Variants in RABGEF1 observed in about 807,000 individuals in gnomAD.
The protein encoded by RABGEF1 is RAB guanine nucleotide exchange factor 1, also known as rab5 GDP/GTP exchange factor.
In RABGEF1, 26 loss-of-function variants were observed where a neutral mutation model predicts 57.3. The observed-to-expected ratio is 0.45, with a 90% CI of 0.33 to 0.63. The LOEUF is 0.63. RABGEF1 is among the 20% of genes least tolerant of loss of function. RABGEF1 has a pLI of 0.02. For missense variants in RABGEF1, 464 were observed against 607.6 expected (o/e 0.76, Z 2.48); for synonymous variants, 185 against 210.7 (o/e 0.88, Z 1.06).
chr7:66,805,734 G>GC (rs887311446), intron 8 of RABGEF1, among the ~76,000 whole-genome samples: 1 of 151,362 alleles, frequency 6.6e-6, no homozygotes, highest in Non-Finnish European at 1.5e-5. Context: ...CTGAATATTT[G>GC]CCCCCTCATT....
intron 2 of RABGEF1, among the ~76,000 whole-genome samples, chr7:66,721,800 T>A (rs1306031236): frequency 2.0e-5 from 3 of 152,110 alleles, no homozygotes; most frequent in Admixed American, 6.6e-5. Flanking sequence ...GAACCCCGTC[T>A]CTACTCAAAA....
At chr7:66,726,370 A>ATT (rs11410701) in intron 2 of RABGEF1, among the ~76,000 whole-genome samples, 2 of 151,730 alleles carry the variant, frequency 1.3e-5, no homozygotes, top group African/African-American at 4.8e-5. Context: ...GGATTTAAGC[A>ATT]TTTTTTTTAA....
At position 66,720,307 on chromosome 7, in the gene RABGEF1, C is replaced by T. The variant is rs548224627; in HGVS notation, c.-815+8083C>T. Among the ~76,000 whole-genome samples the T allele has an allele frequency of 2.3e-3, 345 of 150,930 alleles. 1 individual carries two copies. The highest frequency in any genetic ancestry group is 3.6e-3 in the Non-Finnish European group (242 of 67,830). ...CTGCCTCCCAGGCTCAAGAAATTCT[C>T]GTGCCTCAGCCACCCCAGTAGCTAG... On this transcript the variant is annotated intron_variant and NMD_transcript_variant, in intron 2 of 9. Coordinates refer to the RABGEF1 transcript ENST00000607882.
chr7:66,727,954 G>A (rs1010364430), intron 2 of RABGEF1, among the ~76,000 whole-genome samples: 5 of 152,098 alleles, frequency 3.3e-5, no homozygotes, highest in Admixed American at 2.0e-4. Context: ...TGCCTCAGGC[G>A]TCTCCACCAA....
chr7:66,662,834 T>C, the RABGEF1 span, among the ~76,000 whole-genome samples: 2 of 151,818 alleles, frequency 1.3e-5, no homozygotes, highest in Admixed American at 1.3e-4. Context: ...CAGGCATGTG[T>C]GTGTAGGTGT....
intron 2 of RABGEF1, among the ~76,000 whole-genome samples, chr7:66,717,589 T>C (rs1049360419): frequency 8.6e-5 from 13 of 151,694 alleles, no homozygotes; most frequent in Non-Finnish European, 1.6e-4. Flanking sequence ...AAACCCCGTC[T>C]CTAGTGTCAC....
chr7:66,736,980 T>C (rs575761998), upstream of RABGEF1, among the ~76,000 whole-genome samples: 2 of 152,008 alleles, frequency 1.3e-5, no homozygotes, highest in African/African-American at 4.8e-5. Context: ...ATATATGTGC[T>C]GATGCACTGG....
At chr7:66,767,000 C>CTTTT (rs34123866) in intron 1 of RABGEF1, among the ~76,000 whole-genome samples, 8 of 102,598 alleles carry the variant, frequency 7.8e-5, no homozygotes, top group Admixed American at 2.3e-4. Context: ...TGTCAAGTTT[C>CTTTT]TTTTTTTTTT....
chr7:66,672,054 G>T, the RABGEF1 span, among the ~76,000 whole-genome samples: 1 of 151,662 alleles, frequency 6.6e-6, no homozygotes, highest in Non-Finnish European at 1.5e-5. Context: ...GGACTCAAGT[G>T]ATCCTCCTGC....
At chr7:66,726,961 G>A (rs188022607) in intron 2 of RABGEF1, among the ~76,000 whole-genome samples, 1,665 of 152,150 alleles carry the variant, frequency 0.011, 15 homozygotes, top group Non-Finnish European at 0.016. Context: ...CCGAGATTGC[G>A]CCATTGCACT....
At chr7:66,795,354 G>A (rs1813774867) in intron 4 of RABGEF1, among the ~76,000 whole-genome samples, 157 bp from the exon 5 acceptor site, 1 of 152,196 alleles carries the variant, frequency 6.6e-6, no homozygotes, top group Admixed American at 6.5e-5. Context: ...TAATATTAAT[G>A]GATAGGTTTT....
chr7:66,671,876 G>C, the RABGEF1 span, among the ~76,000 whole-genome samples: 1 of 148,824 alleles, frequency 6.7e-6, no homozygotes, highest in Non-Finnish European at 1.5e-5. Context: ...GAGTGCAGTG[G>C]CATGAGCACA....
intron 1 of RABGEF1, among the ~76,000 whole-genome samples, chr7:66,701,732 C>T (rs569686744): frequency 1.3e-5 from 2 of 152,164 alleles, no homozygotes; most frequent in African/African-American, 4.8e-5. Flanking sequence ...TGGTCTTGAA[C>T]TCACGACCTC....
intron 2 of RABGEF1, chr7:66,773,556 G>A (rs1176377920): frequency 5.0e-6 from 2 of 402,028 alleles, no homozygotes; most frequent in African/African-American, 2.1e-5. Flanking sequence ...TGGCTTGGGA[G>A]TAAGACTAGA....
At chr7:66,803,838 G>A (rs1342195501) in intron 7 of RABGEF1, among the ~76,000 whole-genome samples, 7 of 151,108 alleles carry the variant, frequency 4.6e-5, no homozygotes, top group East Asian at 1.9e-4. Context: ...GCAGTGAGCC[G>A]AGATCGTGCC....
chr7:66,785,505 A>T (rs979997715), intron 4 of RABGEF1, among the ~76,000 whole-genome samples: 1 of 152,250 alleles, frequency 6.6e-6, no homozygotes, highest in African/African-American at 2.4e-5. Flanking sequence ...GAACTAACAT[A>T]ACTAGCTTCA....
chr7:66,660,868 A>T, the RABGEF1 span, among the ~76,000 whole-genome samples: 1 of 152,336 alleles, frequency 6.6e-6, no homozygotes, highest in Non-Finnish European at 1.5e-5. Flanking sequence ...TCAGACAAAG[A>T]CACTACAAGA....
In RABGEF1 at chr7:66,785,343, T is replaced by C. The variant is rs979643013; in HGVS notation, c.513+1502T>C. Among the ~76,000 whole-genome samples, 44 of 152,222 alleles carry C rather than the reference T, an allele frequency of 2.9e-4. 1 individual carries two copies. On this transcript the variant is annotated intron_variant, in intron 4 of 8. Coordinates refer to ENST00000284957, the MANE Select transcript of RABGEF1 (RefSeq NM_014504.3). Reference sequence around the variant, plus strand: ...TTCATGGTTAGGTGGCCAAGTCCTATGCATGTATCTCAGGTATCTTTAGTG... The same window carrying C: ...TTCATGGTTAGGTGGCCAAGTCCTACGCATGTATCTCAGGTATCTTTAGTG...
intron 3 of RABGEF1, among the ~76,000 whole-genome samples, chr7:66,777,261 TA>T (rs1027111143): frequency 1.3e-5 from 2 of 152,112 alleles, no homozygotes; most frequent in Non-Finnish European, 2.9e-5. Context: ...AGTATAAAAT[TA>T]TCAGCTCCAA....
Sources: gnomAD v4.1 joint callset for allele counts (sites outside exome capture counted in the v4.1 genomes callset) on GRCh38, gnomAD v4.1.1 for gene constraint, MANE v1.5 for transcripts, NCBI Gene and HGNC (gene_info 2026-07-23, HGNC 2026-07-21) for gene names.